The following CLCN1 variants were observed in gnomAD, a reference collection of about 807,000 sequenced individuals.
CLCN1 encodes chloride voltage-gated channel 1.
A neutral mutation model predicts 114.5 loss-of-function variants in CLCN1; 100 were observed. The ratio of observed to expected loss-of-function variants is 0.87; its 90% CI spans 0.74 to 1.03. The LOEUF is 1.03. CLCN1 is among the 50% of genes least tolerant of loss of function. CLCN1 has a pLI of 0.00. For missense variants in CLCN1, 1,188 were observed against 1,250.0 expected, an observed-to-expected ratio of 0.95 and a Z score of 0.75; for synonymous variants, 485 against 487.1, an observed-to-expected ratio of 1.00 and a Z score of 0.06.
chr7:143,338,513 C>T (rs148888099), intron 12 of CLCN1, among the ~76,000 whole-genome samples: 44 of 152,266 alleles, frequency 2.9e-4, no homozygotes, highest in African/African-American at 1.0e-3. Flanking sequence ...TGGCCGGGCG[C>T]ATCGGCTCAC....
chr7:143,326,087 G>T (rs984400539), intron 7 of CLCN1, among the ~76,000 whole-genome samples: 9 of 152,004 alleles, frequency 5.9e-5, no homozygotes, highest in African/African-American at 2.2e-4. Context: ...CACCATCTTG[G>T]CTCACTGCAA....
At chr7:143,337,633 C>T (rs935516475) in intron 12 of CLCN1, among the ~76,000 whole-genome samples, 5 of 152,114 alleles carry the variant, frequency 3.3e-5, no homozygotes, top group African/African-American at 1.2e-4. Flanking sequence ...GCTTTAGCTG[C>T]TACCTTCTTA....
chr7:143,345,930 T>A (rs1179402024), intron 17 of CLCN1, among the ~76,000 whole-genome samples, 168 bp downstream of exon 17: 1 of 152,042 alleles, frequency 6.6e-6, no homozygotes, highest in African/African-American at 2.4e-5. Context: ...CTGGATCAGG[T>A]ACCATAGAGA....
intron 6 of CLCN1, chr7:143,323,852 G>T: frequency 2.1e-6 from 1 of 473,216 alleles, no homozygotes. Context: ...CCTGGTGTCG[G>T]CCTGTGCAGT....
chr7:143,324,289 C>A lies in CLCN1; in HGVS notation c.775-125C>A. 1.3e-6 allele frequency: 1 copy of A among 759,912 alleles called. No individual in the cohort carries two copies. Among genetic ancestry groups the A allele is most frequent in the Non-Finnish European group, 2.4e-6 (1 of 417,574 alleles). 47.1% of individuals were successfully genotyped at this position (759,912 alleles called of 1,614,324 possible). On this transcript the variant is annotated intron_variant, in intron 6 of 22. Coordinates refer to ENST00000343257, the MANE Select transcript of CLCN1 (RefSeq NM_000083.3). The surrounding 1 kb of genome is among the most constrained non-coding windows in gnomAD (Gnocchi z 4.6). The stretch of plus-strand genomic sequence containing the variant: ...CCTGGGAATCACAGGGGACATGGGA[C>A]CACAAGGACTCCTTTTGACTTAGGC...
At chr7:143,338,766 G>A (rs1276080223) in intron 12 of CLCN1, among the ~76,000 whole-genome samples, 1 of 149,580 alleles carries the variant, frequency 6.7e-6, no homozygotes, top group East Asian at 2.0e-4. Context: ...CAGCTTGGGT[G>A]CTGGGTGGCA....
At position 143,339,275 on chromosome 7, in the gene CLCN1, C is replaced by T. The variant is rs752065845; in HGVS notation, c.1424C>T (p.Thr475Ile). 2 of 1,612,878 alleles carry T rather than the reference C, an allele frequency of 1.2e-6. No homozygotes were observed. The highest frequency in any genetic ancestry group is 2.2e-5 in the South Asian group (2 of 91,060). ...CAGTTCTGGATGTCCATCGTGGCCA[C>T]CACTATGCCCATACCCTGCGGAGGC... is the stretch of plus-strand genomic sequence containing the variant. ...VMKFWMSIVA[T>I]TMPIPCGGFM... Residue 475 changes from threonine (T) to isoleucine (I), a missense_variant, in exon 13 of 23, where the codon ACC becomes ATC. By Grantham distance (89) the Thr-to-Ile change is moderately conservative. Coordinates refer to ENST00000343257, the MANE Select transcript of CLCN1 (RefSeq NM_000083.3). The surrounding 1 kb of genome is among the most constrained non-coding windows in gnomAD (Gnocchi z 4.1).
intron 20 of CLCN1, 81 bp downstream of exon 20, chr7:143,347,030 G>A: frequency 8.2e-7 from 1 of 1,212,750 alleles, no homozygotes; most frequent in South Asian, 1.2e-5. Flanking sequence ...CTTCTTTATT[G>A]TGTTGTCATG....
In CLCN1 at chr7:143,352,054, G is replaced by A. The variant is rs1563091651; in HGVS notation, c.*89G>A. The A allele has an allele frequency of 3.2e-6, 5 of 1,553,900 alleles. No individual in the cohort carries two copies. Among genetic ancestry groups the A allele is most frequent in the African/African-American group, 1.4e-5 (1 of 73,558 alleles). On this transcript the variant is annotated 3_prime_UTR_variant, in exon 23 of 23. Transcript: ENST00000343257. ...GGGCAGGGTGCGTCCTGAATGTGGC[G>A]AGGTCATGCCAATGTCGTGGCCTCT...
In CLCN1 at chr7:143,346,657, A is replaced by C. The variant is rs199610988; in HGVS notation, c.2363A>C (p.Gln788Pro). The change falls in exon 19 of 23, where the codon CAG becomes CCG. Residue 788 changes from glutamine (Q) to proline (P), a missense_variant and splice_region_variant. Physicochemically the swap from Gln to Pro is moderately conservative, Grantham distance 76 (BLOSUM62 -1). Coordinates refer to ENST00000343257, the MANE Select transcript of CLCN1 (RefSeq NM_000083.3). ...CGCCCCACAAAGAAGAAAACAACCC[A>C]GGTGAGAGGAGATGTGTTTGGGGAT... is the stretch of plus-strand genomic sequence containing the variant. ...RARPTKKKTT[Q>P]DSTDLVDNMS... 4.2e-5 allele frequency: 67 copies of C among 1,611,308 alleles called. No homozygotes were observed. Among genetic ancestry groups the C allele is most frequent in the Admixed American group, 3.0e-4 (18 of 60,018 alleles).
chr7:143,347,914 C>T (rs990508944), intron 20 of CLCN1, among the ~76,000 whole-genome samples: 3 of 152,022 alleles, frequency 2.0e-5, no homozygotes, highest in Non-Finnish European at 4.4e-5. Flanking sequence ...TGGAAGCAGG[C>T]GGTATCAGAA....
At chr7:143,338,605 G>A (rs1031804700) in intron 12 of CLCN1, among the ~76,000 whole-genome samples, 1 of 152,056 alleles carries the variant, frequency 6.6e-6, no homozygotes, top group Non-Finnish European at 1.5e-5. Flanking sequence ...GGGCAACATG[G>A]CAAAACCCCG....
intron 7 of CLCN1, among the ~76,000 whole-genome samples, chr7:143,330,305 T>C (rs1377072538): frequency 6.6e-6 from 1 of 152,150 alleles, no homozygotes; most frequent in Non-Finnish European, 1.5e-5. Context: ...GGTAGGAAAG[T>C]CCAGAGGAGG....
At chr7:143,320,915 A>C in intron 3 of CLCN1, 120 bp downstream of exon 3, 1 of 1,235,808 alleles carries the variant, frequency 8.1e-7, no homozygotes, top group Admixed American at 1.7e-5. Flanking sequence ...AATATTGCGC[A>C]GAGAGGGATC....
Position 143,335,086 on chromosome 7 carries a change from T to A in CLCN1, c.1401+2213T>A, listed in dbSNP as rs958558772. Among the ~76,000 whole-genome samples the A allele has an allele frequency of 5.9e-5, 9 of 152,352 alleles. No homozygotes were observed. The East Asian group carries it at 1.5e-3, about 26-fold the overall frequency. On this transcript the variant is annotated intron_variant, in intron 12 of 22. Coordinates refer to ENST00000343257, the MANE Select transcript of CLCN1 (RefSeq NM_000083.3). ...GAGCTATACGGCAACATTGGCATCGTATGTACCTTTAAAATATCAAGATTT... is the reference window on the plus strand; with the variant it reads ...GAGCTATACGGCAACATTGGCATCGAATGTACCTTTAAAATATCAAGATTT...
intron 7 of CLCN1, among the ~76,000 whole-genome samples, chr7:143,325,076 C>T (rs1003108715): frequency 5.3e-5 from 8 of 152,164 alleles, no homozygotes; most frequent in African/African-American, 1.2e-4. Flanking sequence ...AGGCAAATAG[C>T]GATCTCTCAG....
Position 143,316,199 on chromosome 7 carries a change from CG to C in CLCN1, c.-8del. On this transcript the variant is annotated 5_prime_UTR_variant, in exon 1 of 23. Transcript: ENST00000343257. ...AGCAGGCCAAGGCCTGGCCGGGGCT[CG>C]GGGGGAGGGAATATGGAGCAATCCC... is the stretch of plus-strand genomic sequence containing the variant. 3 of 1,601,210 alleles carry C rather than the reference CG, an allele frequency of 1.9e-6. No individual in the cohort carries two copies. Among genetic ancestry groups the C allele is most frequent in the South Asian group, 1.1e-5 (1 of 90,782 alleles).
rs771833225 is a variant in CLCN1 at position 143,321,081 on chromosome 7, C to A, written c.434-284C>A. The stretch of plus-strand genomic sequence containing the variant: ...CTTTCCCAGTTTCAGCACTGAACAT[C>A]CCGAATCCCAGGAAGCCCCTTGGTT... On this transcript the variant is annotated intron_variant, in intron 3 of 22. Transcript: ENST00000343257. The surrounding 1 kb of genome is among the most constrained non-coding windows in gnomAD (Gnocchi z 4.2). 1.3e-5 allele frequency among the ~76,000 whole-genome samples: 2 copies of A among 152,168 alleles called. No individual in the cohort carries two copies. The highest frequency in any genetic ancestry group is 4.8e-5 in the African/African-American group (2 of 41,442).
At chr7:143,340,594 G>T (rs557211327) in intron 14 of CLCN1, among the ~76,000 whole-genome samples, 1 of 151,580 alleles carries the variant, frequency 6.6e-6, no homozygotes, top group Non-Finnish European at 1.5e-5. Context: ...GTGCAGTGGC[G>T]CAATCTGGGT....
Sources: allele counts gnomAD v4.1 joint callset (sites outside exome capture counted in the v4.1 genomes callset), GRCh38; gene constraint gnomAD v4.1.1; non-coding constraint Gnocchi (gnomAD v3.1); transcripts MANE v1.5; gene names NCBI Gene and HGNC (gene_info 2026-07-23, HGNC 2026-07-21).